The following EFCAB8 variants were observed in gnomAD, a reference collection of about 807,000 sequenced individuals.
EFCAB8 encodes the protein EF-hand calcium binding domain 8.
EFCAB8 carries 100 observed loss-of-function variants against 116.3 expected under a neutral mutation model. That is an observed-to-expected ratio of 0.86 (90% CI 0.73 to 1.02). The LOEUF is 1.02. Among genes scored for constraint, EFCAB8 ranks in the 50% least tolerant of loss-of-function variants. The pLI is 0.00. For synonymous variants in EFCAB8, 558 were observed against 567.9 expected (o/e 0.98, Z 0.25); for missense variants, 1,320 against 1,416.9 (o/e 0.93, Z 1.10).
At chr20:32,875,856 A>G (rs1207464990) in intron 3 of EFCAB8, 70 bp from the exon 4 acceptor site, 1 of 1,393,666 alleles carries the variant, frequency 7.2e-7, no homozygotes, top group East Asian at 2.5e-5. Context: ...GACACTTGAG[A>G]ACTCCGTGGC....
At chr20:32,904,150 G>A (rs1238303943) in intron 11 of EFCAB8, among the ~76,000 whole-genome samples, 2 of 151,888 alleles carry the variant, frequency 1.3e-5, no homozygotes, top group African/African-American at 2.4e-5. Flanking sequence ...GCACCACCAT[G>A]CCCAGCTAAT....
chr20:32,915,750 C>T (rs1181348250), intron 17 of EFCAB8, among the ~76,000 whole-genome samples: 2 of 151,526 alleles, frequency 1.3e-5, no homozygotes, highest in Non-Finnish European at 2.9e-5. Context: ...TGGCTCACTG[C>T]AGCCTCCGCG....
chr20:32,941,080 C>T (rs760142313), intron 22 of EFCAB8, among the ~76,000 whole-genome samples: 1 of 148,954 alleles, frequency 6.7e-6, no homozygotes, highest in Non-Finnish European at 1.5e-5. Flanking sequence ...GGTGTAACCC[C>T]GTCTCTACTA....
chr20:32,906,508 T>C (rs1468623880), intron 11 of EFCAB8, 54 bp from the exon 12 acceptor site: 1 of 717,280 alleles, frequency 1.4e-6, no homozygotes, highest in East Asian at 2.7e-5. Context: ...TCTCAGACGC[T>C]CTCTTGGGGC....
intron 20 of EFCAB8, among the ~76,000 whole-genome samples, chr20:32,929,303 C>A (rs370777605): frequency 1.4e-4 from 22 of 152,184 alleles, no homozygotes; most frequent in African/African-American, 5.1e-4. Flanking sequence ...ACTGGTGAAG[C>A]CATCAAGCTT....
Position 32,940,505 on chromosome 20 carries a change from T to A in EFCAB8, c.2791-3131T>A, listed in dbSNP as rs139679724. 6.5e-4 allele frequency among the ~76,000 whole-genome samples: 98 copies of A among 149,748 alleles called. 2 individuals carry two copies. In the East Asian group the frequency reaches 0.018, roughly 28 times the overall value. Reference sequence around the variant, plus strand: ...TTAGAAGAAAATAAATGGAAAATACTTGTGACCTTAGACAGTGTGTCTTAG... The same window carrying A: ...TTAGAAGAAAATAAATGGAAAATACATGTGACCTTAGACAGTGTGTCTTAG... On this transcript the variant is annotated intron_variant, in intron 22 of 26. Coordinates refer to ENST00000400522, the MANE Select transcript of EFCAB8 (RefSeq NM_001143967.2).
chr20:32,885,699 C>T lies in EFCAB8; in HGVS notation c.567+59C>T, dbSNP rs779398044. ...GGTGATTGGAGAGCCTCTGCCTTAG[C>T]ACCCCCATGGTGAAGGTGACCTGGA... On this transcript the variant is annotated intron_variant, in intron 6 of 26. Coordinates refer to ENST00000400522, the MANE Select transcript of EFCAB8 (RefSeq NM_001143967.2). 1.5e-4 allele frequency: 234 copies of T among 1,535,814 alleles called. No individual in the cohort carries two copies. In the Middle Eastern group the frequency reaches 1.8e-3, roughly 12 times the overall value.
intron 3 of EFCAB8, among the ~76,000 whole-genome samples, chr20:32,873,254 A>G (rs1036492234): frequency 1.3e-5 from 2 of 151,950 alleles, no homozygotes; most frequent in African/African-American, 2.4e-5. Flanking sequence ...AGGCTTCCCT[A>G]TGGAAGGAGC....
rs921418891 is a variant in EFCAB8, at chr20:32,895,684, G to T, written c.884-770G>T. Among the ~76,000 whole-genome samples, 9 of 151,136 alleles carry T rather than the reference G, an allele frequency of 6.0e-5. No individual in the cohort carries two copies. The East Asian group carries it at 1.8e-3, about 30-fold the overall frequency. ...CCTTTCGGGTTCAAGTGATTCTCCC[G>T]CCTCAGGCTCCTGAGTAGCTGTGAT... On this transcript the variant is annotated intron_variant, in intron 9 of 26. Transcript: ENST00000400522.
At position 32,959,645 on chromosome 20, in the gene EFCAB8, G is replaced by T. The variant is rs549738300; in HGVS notation, c.3090-133G>T. 6.0e-6 allele frequency: 4 copies of T among 668,328 alleles called. No homozygotes were observed. The African/African-American group carries it at 7.3e-5, about 12-fold the overall frequency. The allele number at this position is 668,328 out of a possible 1,614,324, so 41.4% of individuals were successfully genotyped here. On this transcript the variant is annotated intron_variant, in intron 24 of 26. Coordinates refer to ENST00000400522, the MANE Select transcript of EFCAB8 (RefSeq NM_001143967.2). The stretch of plus-strand genomic sequence containing the variant: ...TACTTACTCAGTGATGGACTCTGGG[G>T]AGTCTGGCCTGAGGGAGGGATGGAA...
At chr20:32,941,378 A>AT (rs1486846854) in intron 22 of EFCAB8, among the ~76,000 whole-genome samples, 1 of 150,064 alleles carries the variant, frequency 6.7e-6, no homozygotes. Flanking sequence ...TCCCAAGTGT[A>AT]TACCCAAGAG....
At position 32,943,762 on chromosome 20, in the gene EFCAB8, G is replaced by C; in HGVS notation, c.2917G>C (p.Asp973His). Residue 973 changes from aspartate (D) to histidine (H), a missense_variant, in exon 23 of 27, where the codon GAC becomes CAC. Physicochemically the swap from Asp to His is moderately conservative, Grantham distance 81 (BLOSUM62 -1). Transcript: ENST00000400522. ...NFQLVISAGQDRDVKAWKLSG... is the reference protein window; with the variant it reads ...NFQLVISAGQHRDVKAWKLSG... ...CCAGCTGGTTATCAGCGCTGGCCAG[G>C]ACCGGGACGTCAAGGCTTGGAAACT... 2.4e-6 allele frequency: 1 copy of C among 416,906 alleles called. No homozygotes were observed. 25.8% of individuals were successfully genotyped at this position (416,906 alleles called of 1,614,324 possible).
At chr20:32,924,234 A>AT (rs1689276825) in intron 20 of EFCAB8, among the ~76,000 whole-genome samples, 1 of 152,054 alleles carries the variant, frequency 6.6e-6, no homozygotes, top group Non-Finnish European at 1.5e-5. Context: ...TCATTAAAAA[A>AT]ATATATATTT....
At position 32,930,634 on chromosome 20, in the gene EFCAB8, G is replaced by T. The variant is rs775403775; in HGVS notation, c.2631+18G>T. The stretch of plus-strand genomic sequence containing the variant: ...ACATCAAGGTGAGGAAGAACTGGCA[G>T]GAAGATTGAGGGGCTGGTGCCAGCT... On this transcript the variant is annotated intron_variant, in intron 21 of 26. Transcript: ENST00000400522. 1 of 1,549,248 alleles carries T rather than the reference G, an allele frequency of 6.5e-7. No individual in the cohort carries two copies. The highest frequency in any genetic ancestry group is 1.2e-5 in the South Asian group (1 of 83,976).
chr20:32,892,195 CT>C lies in EFCAB8; in HGVS notation c.674-16del, dbSNP rs1985952974. 6.4e-7 allele frequency: 1 copy of C among 1,550,532 alleles called. No individual in the cohort carries two copies. The highest frequency in any genetic ancestry group is 2.0e-5 in the Admixed American group (1 of 50,972). ...GGCATGGCTGTGGGCTCTATGTGGC[CT>C]TCTGTCTTTCCCCCAGATTTCTTTG... is the stretch of plus-strand genomic sequence containing the variant. On this transcript the variant is annotated splice_polypyrimidine_tract_variant and intron_variant, in intron 7 of 26. Coordinates refer to ENST00000400522, the MANE Select transcript of EFCAB8 (RefSeq NM_001143967.2).
chr20:32,944,084 T>C (rs1357486456), intron 23 of EFCAB8, among the ~76,000 whole-genome samples: 1 of 152,214 alleles, frequency 6.6e-6, no homozygotes, highest in Non-Finnish European at 1.5e-5. Context: ...ACTTAATTGT[T>C]GCATTGTATA....
At chr20:32,873,519 C>A (rs942918988) in intron 3 of EFCAB8, among the ~76,000 whole-genome samples, 5 of 151,976 alleles carry the variant, frequency 3.3e-5, no homozygotes, top group Non-Finnish European at 7.3e-5. Flanking sequence ...CCTTTCTTCT[C>A]CCCATCTTTT....
At chr20:32,882,718 C>T (rs190562005) in intron 5 of EFCAB8, among the ~76,000 whole-genome samples, 1 of 151,852 alleles carries the variant, frequency 6.6e-6, no homozygotes, top group Non-Finnish European at 1.5e-5. Context: ...TGTTTTGAGA[C>T]AGAGCCTTGC....
chr20:32,889,257 G>T, intron 6 of EFCAB8, 44 bp from the exon 7 acceptor site: 1 of 1,529,868 alleles, frequency 6.5e-7, no homozygotes, highest in South Asian at 1.2e-5. Flanking sequence ...GCACTGGCCT[G>T]AGTATGCGTC....
Sources: allele counts gnomAD v4.1 joint callset (sites outside exome capture counted in the v4.1 genomes callset), GRCh38; gene constraint gnomAD v4.1.1; transcripts MANE v1.5; gene names NCBI Gene and HGNC (gene_info 2026-07-23, HGNC 2026-07-21).